STRBP: variants seen among roughly 807,000 people sequenced by gnomAD.
STRBP encodes the protein spermatid perinuclear RNA binding protein.
Under a neutral mutation model 80.1 loss-of-function variants are expected in STRBP, and 13 were observed. The ratio of observed to expected loss-of-function variants is 0.16; its 90% CI spans 0.11 to 0.26. The LOEUF is 0.26. Among genes scored for constraint, STRBP ranks in the 10% least tolerant of loss-of-function variants. The pLI is 1.00. For synonymous variants in STRBP, 284 were observed against 291.2 expected (o/e 0.98, Z 0.25); for missense variants, 485 against 815.2 (o/e 0.59, Z 4.93).
chr9:123,150,664 C>T (rs181187985), intron 11 of STRBP, among the ~76,000 whole-genome samples: 2 of 152,116 alleles, frequency 1.3e-5, no homozygotes, highest in Admixed American at 1.3e-4. Flanking sequence ...TTACATTAAC[C>T]CTAGGGGCAT....
chr9:123,149,219 T>C (rs1164458013), intron 11 of STRBP, among the ~76,000 whole-genome samples: 3 of 152,212 alleles, frequency 2.0e-5, no homozygotes, highest in African/African-American at 7.2e-5. Flanking sequence ...AGGTAAACAC[T>C]GACTTCAGCA....
At chr9:123,235,584 CAAAAAAAAAAAAA>C (rs71390421) in intron 2 of STRBP, among the ~76,000 whole-genome samples, 13 of 36,496 alleles carry the variant, frequency 3.6e-4, no homozygotes, top group South Asian at 3.2e-3. Flanking sequence ...ACAAGTTCAG[CAAAAAAAAAAAAA>C]AAAAAAAAAA....
At chr9:123,130,481 C>T (rs1588451997) in intron 17 of STRBP, among the ~76,000 whole-genome samples, 1 of 152,226 alleles carries the variant, frequency 6.6e-6, no homozygotes, top group Middle Eastern at 3.4e-3. Context: ...ATTACTGCCA[C>T]TGGACCATAG....
In STRBP at chr9:123,125,579, A is replaced by G. The variant is rs770416007; in HGVS notation, c.*18T>C. On this transcript the variant is annotated 3_prime_UTR_variant, in exon 19 of 19. Coordinates refer to ENST00000348403, the MANE Select transcript of STRBP (RefSeq NM_018387.5). ...TGTACTGTATTGTTGTTCAATAGGAATTAGCTTCTGTCATTTGCTAAAAGA... is the reference window on the plus strand; with the variant it reads ...TGTACTGTATTGTTGTTCAATAGGAGTTAGCTTCTGTCATTTGCTAAAAGA... 4 of 1,611,418 alleles carry G rather than the reference A, an allele frequency of 2.5e-6. No homozygotes were observed.
intron 1 of STRBP, among the ~76,000 whole-genome samples, chr9:123,259,592 C>G (rs563861198): frequency 4.6e-5 from 7 of 152,220 alleles, no homozygotes; most frequent in African/African-American, 1.7e-4. Flanking sequence ...GCCTGTAATC[C>G]CAGATACTGA....
chr9:123,226,782 G>A (rs2040249759), intron 2 of STRBP, among the ~76,000 whole-genome samples: 1 of 152,026 alleles, frequency 6.6e-6, no homozygotes, highest in African/African-American at 2.4e-5. Flanking sequence ...GGCGGGGTGG[G>A]GAGGAAGAGC....
intron 1 of STRBP, among the ~76,000 whole-genome samples, chr9:123,257,484 G>A (rs536518925): frequency 6.6e-6 from 1 of 151,956 alleles, no homozygotes; most frequent in Non-Finnish European, 1.5e-5. Flanking sequence ...CTAATAGACT[G>A]TAAGCTCATA....
chr9:123,133,245 C>T (rs1250092675), intron 16 of STRBP, among the ~76,000 whole-genome samples: 1 of 152,184 alleles, frequency 6.6e-6, no homozygotes, highest in Non-Finnish European at 1.5e-5. Context: ...AATTTATATC[C>T]AAAGTCATTT....
At chr9:123,157,514 G>A in intron 11 of STRBP, among the ~76,000 whole-genome samples, 1 of 152,118 alleles carries the variant, frequency 6.6e-6, no homozygotes, top group East Asian at 1.9e-4. Flanking sequence ...TCTATTTATT[G>A]TATTAGTTCA....
chr9:123,225,838 G>A (rs574789234), intron 2 of STRBP, among the ~76,000 whole-genome samples: 2 of 152,202 alleles, frequency 1.3e-5, no homozygotes, highest in South Asian at 4.2e-4. Context: ...TAAAAGTCTT[G>A]ACTATTACCC....
intron 1 of STRBP, among the ~76,000 whole-genome samples, chr9:123,241,234 G>T (rs1264711983): frequency 6.6e-6 from 1 of 151,958 alleles, no homozygotes; most frequent in Non-Finnish European, 1.5e-5. Flanking sequence ...GGGCACAGTG[G>T]TGCACACCTA....
Position 123,158,103 on chromosome 9 carries a change from G to A in STRBP, c.954C>T (p.Ala318=). The change falls in exon 11 of 19, where the codon GCC becomes GCT. Residue 318 remains alanine (A), a synonymous_variant. Coordinates refer to ENST00000348403, the MANE Select transcript of STRBP (RefSeq NM_018387.5). ...CCAGCACTTTGTAAATCTGGCCAAA[G>A]GCTGATAGTCTGAGTGCATGCTAAA... ...HSAQHALRLS[A]FGQIYKVLEM... The A allele has an allele frequency of 1.9e-6, 3 of 1,609,066 alleles. No individual in the cohort carries two copies. Among genetic ancestry groups the A allele is most frequent in the Non-Finnish European group, 2.5e-6 (3 of 1,178,190 alleles).
intron 5 of STRBP, among the ~76,000 whole-genome samples, chr9:123,170,877 T>C (rs1385737007): frequency 6.6e-6 from 1 of 152,136 alleles, no homozygotes; most frequent in Non-Finnish European, 1.5e-5. Context: ...TTACCTGACA[T>C]ACAGTAGCCA....
At position 123,160,445 on chromosome 9, in the gene STRBP, T is replaced by G; in HGVS notation, c.645A>C (p.Leu215Phe). 6.2e-7 allele frequency: 1 copy of G among 1,601,110 alleles called. No homozygotes were observed. The highest frequency in any genetic ancestry group is 8.5e-7 in the Non-Finnish European group (1 of 1,171,050). The change falls in exon 8 of 19, where the codon TTA becomes TTC. Residue 215 changes from leucine to phenylalanine, a missense_variant. Leu to Phe is a conservative substitution (Grantham distance 22, BLOSUM62 0). Around this residue, in one of 3 missense-constraint regions of STRBP, gnomAD observed 377 missense variants for 616.1 expected, o/e 0.61. Transcript: ENST00000348403. ...TGCGGAGGACAATTACACATGATTT[T>G]AATCCATTTGCCCTTGCCTAAAACA... is the stretch of plus-strand genomic sequence containing the variant. Reference protein sequence around the residue: ...AKWFQARANGLKSCVIVLRIL... With the variant: ...AKWFQARANGFKSCVIVLRIL...
intron 2 of STRBP, among the ~76,000 whole-genome samples, chr9:123,232,716 A>G (rs2040432447): frequency 2.0e-5 from 3 of 152,234 alleles, no homozygotes; most frequent in African/African-American, 7.2e-5. Context: ...AAAAAAGTAC[A>G]TCTTCGAAGA....
intron 6 of STRBP, among the ~76,000 whole-genome samples, chr9:123,164,934 C>T (rs1019842305): frequency 4.6e-5 from 7 of 152,120 alleles, no homozygotes; most frequent in African/African-American, 1.4e-4. Context: ...TAATGTCACT[C>T]GGTATGACTT....
chr9:123,235,181 C>A (rs149809050), intron 2 of STRBP, among the ~76,000 whole-genome samples: 1 of 152,066 alleles, frequency 6.6e-6, no homozygotes, highest in African/African-American at 2.4e-5. Flanking sequence ...TAACAACACA[C>A]TTGCCAGCAT....
At chr9:123,243,649 C>T (rs2040743125) in intron 1 of STRBP, among the ~76,000 whole-genome samples, 1 of 84,426 alleles carries the variant, frequency 1.2e-5, no homozygotes. Context: ...AAACAAGAAT[C>T]CAATTAGAAA....
At chr9:123,259,783 T>A (rs2041121308) in intron 1 of STRBP, among the ~76,000 whole-genome samples, 1 of 151,952 alleles carries the variant, frequency 6.6e-6, no homozygotes, top group Admixed American at 6.6e-5. Context: ...GTAGGTGTAA[T>A]AAGGAAGAAC....
Sources: allele counts gnomAD v4.1 joint callset (sites outside exome capture counted in the v4.1 genomes callset), GRCh38; gene constraint gnomAD v4.1.1; regional missense constraint gnomAD v4.1.1; transcripts MANE v1.5; gene names NCBI Gene and HGNC (gene_info 2026-07-23, HGNC 2026-07-21).